The following TMEM232 variants were observed in gnomAD, a reference collection of about 807,000 sequenced individuals.
The protein encoded by TMEM232 is transmembrane protein 232.
Under a neutral mutation model 78.8 loss-of-function variants are expected in TMEM232, and 80 were observed. The observed-to-expected ratio is 1.01, with a 90% CI of 0.85 to 1.22. The LOEUF (loss-of-function observed/expected upper bound fraction) is 1.22. Among genes scored for constraint, TMEM232 ranks in the 50% most tolerant of loss-of-function variants. TMEM232 has a pLI of 0.00. For synonymous variants in TMEM232, 297 were observed against 254.3 expected (o/e 1.17, Z -1.60); for missense variants, 881 against 742.2 (o/e 1.19, Z -2.17).
chr5:110,625,532 T>C, intron 6 of TMEM232, 99 bp from the exon 7 acceptor site: 1 of 1,128,894 alleles, frequency 8.9e-7, no homozygotes. Context: ...AATTCAGTAC[T>C]TAGATGCAGA....
At chr5:110,689,397 C>T (rs930068794) in intron 1 of TMEM232, among the ~76,000 whole-genome samples, 1 of 151,100 alleles carries the variant, frequency 6.6e-6, no homozygotes, top group Non-Finnish European at 1.5e-5. Context: ...TAAAAATTGG[C>T]AATTTTTTTC....
intron 2 of TMEM232, 56 bp downstream of exon 2, chr5:110,667,172 A>G (rs1476586425): frequency 7.3e-7 from 1 of 1,369,998 alleles, no homozygotes; most frequent in South Asian, 1.6e-5. Context: ...TCAGTTTTCT[A>G]TATTTTCTAA....
chr5:110,642,105 CT>C (rs1300398706), intron 3 of TMEM232, among the ~76,000 whole-genome samples, 154 bp downstream of exon 3: 3 of 151,904 alleles, frequency 2.0e-5, no homozygotes, highest in African/African-American at 7.2e-5. Flanking sequence ...TGGTTATAAG[CT>C]TTAATTTTAA....
chr5:110,494,809 C>T (rs1430641429), intron 12 of TMEM232, among the ~76,000 whole-genome samples: 1 of 151,700 alleles, frequency 6.6e-6, no homozygotes, highest in East Asian at 1.9e-4. Context: ...GGGAGAATAC[C>T]TGAACCATAA....
At chr5:110,636,236 T>C (rs1785811147) in intron 5 of TMEM232, among the ~76,000 whole-genome samples, 1 of 151,788 alleles carries the variant, frequency 6.6e-6, no homozygotes, top group African/African-American at 2.4e-5. Flanking sequence ...GAGAACAGAA[T>C]AATATTATAG....
At chr5:110,685,767 T>A (rs1793320965) in intron 1 of TMEM232, among the ~76,000 whole-genome samples, 1 of 152,132 alleles carries the variant, frequency 6.6e-6, no homozygotes, top group South Asian at 2.1e-4. Flanking sequence ...GGAAAATGGA[T>A]AAACAATTTG....
rs374783549 is a variant in TMEM232 at position 110,696,901 on chromosome 5, C to T, written c.-12-29537G>A. Among the ~76,000 whole-genome samples the T allele has an allele frequency of 1.2e-4, 19 of 152,172 alleles. No homozygotes were observed. In the East Asian group the frequency reaches 2.3e-3, roughly 19 times the overall value. Reference sequence around the variant, plus strand: ...GGTAATTTATAGATTCAATGCCATCCCCATCAAGCTACCAATGAGTTTCTT... The same window carrying T: ...GGTAATTTATAGATTCAATGCCATCTCCATCAAGCTACCAATGAGTTTCTT... On this transcript the variant is annotated intron_variant, in intron 1 of 13. Coordinates refer to ENST00000455884, the MANE Select transcript of TMEM232 (RefSeq NM_001039763.4).
At chr5:110,672,886 T>C (rs568412480) in intron 1 of TMEM232, among the ~76,000 whole-genome samples, 8 of 152,184 alleles carry the variant, frequency 5.3e-5, no homozygotes, top group Non-Finnish European at 1.0e-4. Flanking sequence ...TTGTGCATTA[T>C]TTTAAGATTC....
chr5:110,606,921 T>C (rs1050294434), intron 8 of TMEM232, among the ~76,000 whole-genome samples: 26 of 151,992 alleles, frequency 1.7e-4, no homozygotes, highest in Non-Finnish European at 2.9e-4. Context: ...AAATGAAAAA[T>C]AGTTTGAAAG....
intron 1 of TMEM232, among the ~76,000 whole-genome samples, chr5:110,684,050 A>C (rs1793085648): frequency 6.6e-6 from 1 of 151,992 alleles, no homozygotes; most frequent in Non-Finnish European, 1.5e-5. Context: ...TTCCAAGCTA[A>C]GAACAGTTCT....
At chr5:110,597,308 G>A (rs960679744) in intron 10 of TMEM232, among the ~76,000 whole-genome samples, 2 of 152,098 alleles carry the variant, frequency 1.3e-5, no homozygotes, top group African/African-American at 4.8e-5. Context: ...ACTTACAAGG[G>A]ACGTGAAGGA....
intron 3 of TMEM232, among the ~76,000 whole-genome samples, chr5:110,395,582 C>A (rs533736387): frequency 8.5e-4 from 130 of 152,240 alleles, no homozygotes; most frequent in Non-Finnish European, 1.5e-3. Flanking sequence ...AGAAAACTTA[C>A]AAATTTTCAG....
chr5:110,567,842 G>A (rs2149681957), intron 11 of TMEM232, among the ~76,000 whole-genome samples: 1 of 152,032 alleles, frequency 6.6e-6, no homozygotes, highest in Non-Finnish European at 1.5e-5. Flanking sequence ...GCTCAAGTGA[G>A]AGAATAGGTG....
chr5:110,537,250 T>C (rs1772491712), intron 11 of TMEM232, among the ~76,000 whole-genome samples: 1 of 152,044 alleles, frequency 6.6e-6, no homozygotes, highest in Admixed American at 6.6e-5. Context: ...TGGAATCAAT[T>C]TGACCCTGAT....
At chr5:110,503,591 G>T (rs1476713444) in intron 12 of TMEM232, among the ~76,000 whole-genome samples, 1 of 152,026 alleles carries the variant, frequency 6.6e-6, no homozygotes, top group Non-Finnish European at 1.5e-5. Context: ...CTGGATTAAG[G>T]AATGATTGAT....
intron 12 of TMEM232, among the ~76,000 whole-genome samples, chr5:110,447,168 T>C (rs1013106328): frequency 2.0e-5 from 3 of 151,156 alleles, no homozygotes; most frequent in African/African-American, 7.3e-5. Context: ...TATATATTTA[T>C]AATTAGCTTT....
chr5:110,693,085 G>A (rs776322539), intron 1 of TMEM232, among the ~76,000 whole-genome samples: 2 of 152,108 alleles, frequency 1.3e-5, no homozygotes, highest in African/African-American at 2.4e-5. Flanking sequence ...TCACATGGCC[G>A]GGTACTCCTC....
At chr5:110,403,855 G>T (rs2112572421) in intron 2 of TMEM232, among the ~76,000 whole-genome samples, 1 of 152,050 alleles carries the variant, frequency 6.6e-6, no homozygotes, top group East Asian at 1.9e-4. Flanking sequence ...AATGTGAGGA[G>T]TGAAGGTGTG....
chr5:110,469,719 C>A (rs889369605), intron 12 of TMEM232, among the ~76,000 whole-genome samples: 1 of 152,148 alleles, frequency 6.6e-6, no homozygotes, highest in African/African-American at 2.4e-5. Context: ...ATCCCCTCAG[C>A]CTGAGCTGAA....
Sources: gnomAD v4.1 joint callset for allele counts (sites outside exome capture counted in the v4.1 genomes callset) on GRCh38, gnomAD v4.1.1 for gene constraint, MANE v1.5 for transcripts, NCBI Gene and HGNC (gene_info 2026-07-23, HGNC 2026-07-21) for gene names.